The following PLXNA4 variants were observed in gnomAD, a reference collection of about 807,000 sequenced individuals.
PLXNA4 encodes plexin A4.
Under a neutral mutation model 191.8 loss-of-function variants are expected in PLXNA4, and 44 were observed. The ratio of observed to expected loss-of-function variants is 0.23; its 90% confidence interval spans 0.18 to 0.29. The LOEUF (loss-of-function observed/expected upper bound fraction) is 0.29, where lower values mean the gene tolerates loss of function less well. Among genes scored for constraint, PLXNA4 ranks in the 10% least tolerant of loss-of-function variants. The pLI is 1.00. For synonymous variants in PLXNA4, 1,082 were observed against 1,009.5 expected (o/e 1.07, Z -1.36); for missense variants, 1,800 against 2,488.8 (o/e 0.72, Z 5.89).
Position 132,268,534 on chromosome 7 carries a change from G to A in PLXNA4, c.1504-27368C>T, listed in dbSNP as rs78186257. On this transcript the variant is annotated intron_variant, in intron 4 of 31. Coordinates refer to ENST00000321063, the MANE Select transcript of PLXNA4 (RefSeq NM_020911.2). ...CTTATGAAAAATTACCTGAAGCAAG[G>A]CTAGTTGGAGTGTGGCTGGCGGGAG... is the stretch of plus-strand genomic sequence containing the variant. Among the ~76,000 whole-genome samples, 320 of 152,294 alleles carry A rather than the reference G, an allele frequency of 2.1e-3. 2 individuals carry two copies. Among genetic ancestry groups the A allele is most frequent in the African/African-American group, 7.3e-3 (303 of 41,562 alleles).
At chr7:132,179,496 T>C (rs950395378) in intron 20 of PLXNA4, among the ~76,000 whole-genome samples, 191 bp downstream of exon 20, 2 of 143,528 alleles carry the variant, frequency 1.4e-5, no homozygotes, top group Non-Finnish European at 3.0e-5. Context: ...TACATACAGA[T>C]GTGCACACAC....
At chr7:132,477,214 A>T (rs1429681585) in intron 3 of PLXNA4, among the ~76,000 whole-genome samples, 9 of 152,230 alleles carry the variant, frequency 5.9e-5, no homozygotes, top group Non-Finnish European at 1.3e-4. Flanking sequence ...AATTATCCAC[A>T]AAATATTCAT....
Position 132,363,438 on chromosome 7 carries a change from C to T in PLXNA4, c.1372-65216G>A, listed in dbSNP as rs544715336. The stretch of plus-strand genomic sequence containing the variant: ...GGAACCTCATATGAGTGGAATCACA[C>T]AGTATTTGTCCTTCTGTATCTGACT... On this transcript the variant is annotated intron_variant, in intron 3 of 31. Transcript: ENST00000321063. 1.8e-4 allele frequency among the ~76,000 whole-genome samples: 28 copies of T among 152,336 alleles called. No homozygotes were observed. The South Asian group carries it at 5.8e-3, about 32-fold the overall frequency.
chr7:132,536,401 C>A (rs1799833797), intron 1 of PLXNA4, among the ~76,000 whole-genome samples: 1 of 152,190 alleles, frequency 6.6e-6, no homozygotes, highest in South Asian at 2.1e-4. Context: ...ATTCCCCTCC[C>A]TAAGCCTACC....
chr7:132,143,776 T>C (rs1795338356), intron 29 of PLXNA4, among the ~76,000 whole-genome samples: 1 of 152,186 alleles, frequency 6.6e-6, no homozygotes, highest in Non-Finnish European at 1.5e-5. Flanking sequence ...AAAGTTTTGC[T>C]ACACTGAGTG....
At chr7:132,383,407 G>T in intron 3 of PLXNA4, 1 of 355,718 alleles carries the variant, frequency 2.8e-6, no homozygotes, top group Non-Finnish European at 3.9e-6. Flanking sequence ...GCTCATTAAA[G>T]AAAATTAAGA....
At chr7:132,526,768 G>C (rs1019257342) in intron 1 of PLXNA4, among the ~76,000 whole-genome samples, 1 of 152,168 alleles carries the variant, frequency 6.6e-6, no homozygotes, top group Non-Finnish European at 1.5e-5. Flanking sequence ...CTCTCAAATA[G>C]GTCACTAGGA....
At chr7:132,443,704 A>C (rs888216358) in intron 3 of PLXNA4, among the ~76,000 whole-genome samples, 1 of 152,192 alleles carries the variant, frequency 6.6e-6, no homozygotes, top group African/African-American at 2.4e-5. Context: ...TCTTTATTAC[A>C]CATAAGTGAA....
chr7:132,407,837 A>G (rs1794287210), intron 3 of PLXNA4, among the ~76,000 whole-genome samples: 1 of 152,236 alleles, frequency 6.6e-6, no homozygotes, highest in African/African-American at 2.4e-5. Context: ...GATTTTATAC[A>G]TCGGAAACAA....
In PLXNA4 at chr7:132,420,406, A is replaced by T. The variant is rs563130350; in HGVS notation, c.1371+68886T>A. Among the ~76,000 whole-genome samples, 11 of 152,260 alleles carry T rather than the reference A, an allele frequency of 7.2e-5. No homozygotes were observed. The South Asian group carries it at 2.1e-3, about 29-fold the overall frequency. On this transcript the variant is annotated intron_variant, in intron 3 of 31. Transcript: ENST00000321063. ...CTAATACTTTTCTTGGCTCATGCAT[A>T]GAATCTATGGCTGGGCTCATCCTCT...
chr7:132,181,166 G>A (rs768716249), intron 18 of PLXNA4, among the ~76,000 whole-genome samples: 43 of 152,226 alleles, frequency 2.8e-4, no homozygotes, highest in Non-Finnish European at 5.3e-4. Flanking sequence ...AAATAGCCAA[G>A]GTGGATCTGC....
chr7:132,646,220 T>A (rs1410978495), intron 1 of PLXNA4, among the ~76,000 whole-genome samples: 2 of 152,142 alleles, frequency 1.3e-5, no homozygotes. Flanking sequence ...TGGTGTTTTT[T>A]TCCCTGGAAG....
In PLXNA4 at chr7:132,508,312, T is replaced by C. The variant is rs373811440; in HGVS notation, c.382A>G (p.Ile128Val). Reference sequence around the variant, plus strand: ...CCTTGGTACAGGCTCCCACAGGCAATCAGCCTGTTCTCCTTGTAGTCTATG... The same window carrying C: ...CCTTGGTACAGGCTCCCACAGGCAACCAGCCTGTTCTCCTTGTAGTCTATG... ...LLIDYKENRL[I>V]ACGSLYQGIC... is the part of the protein sequence containing the mutation. Residue 128 changes from isoleucine to valine, a missense_variant, in exon 2 of 32, where the codon ATT becomes GTT. This residue lies in a region of PLXNA4 where 1,397 missense variants were observed against 1,880.4 expected (regional missense o/e 0.74). Transcript: ENST00000321063. The surrounding 1 kb of genome is among the most constrained non-coding windows in gnomAD (Gnocchi z 4.4). 1 of 1,614,176 alleles carries C rather than the reference T, an allele frequency of 6.2e-7. No individual in the cohort carries two copies.
At chr7:132,588,369 G>A (rs1048220183) in intron 2 of PLXNA4, among the ~76,000 whole-genome samples, 1 of 152,096 alleles carries the variant, frequency 6.6e-6, no homozygotes, top group Non-Finnish European at 1.5e-5. Flanking sequence ...GTGAAAGAAT[G>A]TGTGCTGACT....
At chr7:132,281,755 T>C (rs1203041547) in intron 4 of PLXNA4, among the ~76,000 whole-genome samples, 1 of 152,220 alleles carries the variant, frequency 6.6e-6, no homozygotes, top group African/African-American at 2.4e-5. Flanking sequence ...CAGCTGCTTG[T>C]CAGAACTGAA....
chr7:132,217,605 C>T (rs1329717543), intron 9 of PLXNA4, among the ~76,000 whole-genome samples: 1 of 152,130 alleles, frequency 6.6e-6, no homozygotes, highest in Non-Finnish European at 1.5e-5. Context: ...ACCAACCCTC[C>T]AAATTTATAC....
chr7:132,137,193 G>T (rs186684226), intron 30 of PLXNA4, among the ~76,000 whole-genome samples: 2 of 152,302 alleles, frequency 1.3e-5, no homozygotes, highest in Admixed American at 1.3e-4. Context: ...GTTTCCATAG[G>T]AGGCATATTT....
chr7:132,577,475 C>T (rs914263745), upstream of PLXNA4, among the ~76,000 whole-genome samples: 1 of 151,290 alleles, frequency 6.6e-6, no homozygotes, highest in African/African-American at 2.4e-5. Flanking sequence ...CTGGCTCGCT[C>T]TCGCTGGCTC....
chr7:132,553,516 G>A (rs1800657352), intron 1 of PLXNA4, among the ~76,000 whole-genome samples: 1 of 152,080 alleles, frequency 6.6e-6, no homozygotes, highest in Non-Finnish European at 1.5e-5. Context: ...TGAAGCACAG[G>A]CACCTAGAGA....
Sources: gnomAD v4.1 joint callset for allele counts (sites outside exome capture counted in the v4.1 genomes callset) on GRCh38, gnomAD v4.1.1 for gene constraint, gnomAD v4.1.1 regional missense constraint, Gnocchi (gnomAD v3.1) non-coding constraint, MANE v1.5 for transcripts, NCBI Gene and HGNC (gene_info 2026-07-23, HGNC 2026-07-21) for gene names.